RASAL3: variants seen among roughly 807,000 people sequenced by gnomAD.
RASAL3 encodes the protein RAS protein activator like-3.
Under a neutral mutation model 105.5 loss-of-function variants are expected in RASAL3, and 74 were observed. The observed-to-expected ratio is 0.70, with a 90% CI of 0.58 to 0.85. The LOEUF is 0.85. RASAL3 is among the 40% of genes least tolerant of loss of function. RASAL3 has a pLI of 0.00. For synonymous variants in RASAL3, 579 were observed against 591.6 expected, an observed-to-expected ratio of 0.98 and a Z score of 0.31; for missense variants, 1,352 against 1,392.0, an observed-to-expected ratio of 0.97 and a Z score of 0.46.
chr19:15,456,418 C>T lies in RASAL3; in HGVS notation c.1576+84G>A. The stretch of plus-strand genomic sequence containing the variant: ...CAAAACACCACTCACTACCAGAATC[C>T]AGGTTGCTCAAGGACTCTTAGAACT... On this transcript the variant is annotated intron_variant, in intron 10 of 17. Coordinates refer to ENST00000343625, the MANE Select transcript of RASAL3 (RefSeq NM_022904.3). This position sits in a 1 kb window ranked among gnomAD's most constrained non-coding sequence, Gnocchi z 4.4. 1 of 1,565,016 alleles carries T rather than the reference C, an allele frequency of 6.4e-7. No homozygotes were observed. Among genetic ancestry groups the T allele is most frequent in the Non-Finnish European group, 8.7e-7 (1 of 1,150,534 alleles).
intron 1 of RASAL3, 37 bp from the exon 2 acceptor site, chr19:15,464,414 T>G: frequency 1.3e-6 from 2 of 1,524,580 alleles, no homozygotes; most frequent in Non-Finnish European, 1.8e-6. Context: ...GCCCAGTGTC[T>G]GTCCACATAC....
chr19:15,453,075 C>T lies in RASAL3; in HGVS notation c.2670+32G>A, dbSNP rs375316478. On this transcript the variant is annotated intron_variant, in intron 15 of 17. Transcript: ENST00000343625. The surrounding 1 kb of genome is among the most constrained non-coding windows in gnomAD (Gnocchi z 4.2). ...TTCCCCAGTCGCGTCCCTGTTCCCACTCCCCAGGCGCGGACCTGGGCCTGA... is the reference window on the plus strand; with the variant it reads ...TTCCCCAGTCGCGTCCCTGTTCCCATTCCCCAGGCGCGGACCTGGGCCTGA... The T allele has an allele frequency of 4.1e-5, 66 of 1,612,106 alleles. No homozygotes were observed. In the African/African-American group the frequency reaches 6.9e-4, roughly 17 times the overall value.
Position 15,461,062 on chromosome 19 carries a change from G to C in RASAL3, c.604C>G (p.Arg202Gly), listed in dbSNP as rs764236268. Residue 202 changes from arginine (R) to glycine (G), a missense_variant and splice_region_variant, in exon 5 of 18, where the codon CGG becomes GGG. Around this residue, in one of 3 missense-constraint regions of RASAL3, gnomAD observed 344 missense variants for 339.6 expected, o/e 1.01. Transcript: ENST00000343625. Reference protein sequence around the residue: ...TAGPNQVHNVRGLLKRLKEKK... With the variant: ...TAGPNQVHNVGGLLKRLKEKK... ...CCCACCTTCACTGGCTGCCTTACCC[G>C]AACGTTGTGGACCTGGTTGGGACCA... 2 of 1,613,784 alleles carry C rather than the reference G, an allele frequency of 1.2e-6. No individual in the cohort carries two copies. Among genetic ancestry groups the C allele is most frequent in the Non-Finnish European group, 8.5e-7 (1 of 1,179,796 alleles).
rs1970364015 is a variant in RASAL3 at position 15,457,533 on chromosome 19, G to A, written c.1190C>T (p.Ala397Val). Reference protein sequence around the residue: ...LEELDAPRAPAAGLERWFPLL... With the variant: ...LEELDAPRAPVAGLERWFPLL... ...CGGGAACCAGCGCTCCAGACCGGCG[G>A]CAGGCGCGCGTGGGGCGTCCAGCTC... Residue 397 changes from alanine (A) to valine (V), a missense_variant, in exon 9 of 18, where the codon GCC becomes GTC. This residue lies in a region of RASAL3 where 920 missense variants were observed against 919.6 expected (regional missense o/e 1.00). Transcript: ENST00000343625. This position sits in a 1 kb window ranked among gnomAD's most constrained non-coding sequence, Gnocchi z 8.6. The A allele has an allele frequency of 2.7e-6, 3 of 1,129,284 alleles. No homozygotes were observed. Among genetic ancestry groups the A allele is most frequent in the African/African-American group, 3.4e-5 (2 of 59,200 alleles). The allele number at this position is 1,129,284 out of a possible 1,614,324, so 70.0% of individuals were successfully genotyped here. A position where few individuals can be genotyped will look rare whatever the true frequency, so the allele number is the denominator to read the frequency against.
Position 15,456,816 on chromosome 19 carries a change from C to T in RASAL3, c.1432-170G>A. On this transcript the variant is annotated intron_variant, in intron 9 of 17. Transcript: ENST00000343625. This position sits in a 1 kb window ranked among gnomAD's most constrained non-coding sequence, Gnocchi z 4.4. Reference sequence around the variant, plus strand: ...AACCGAGGCCGGAACCTCTAACCCTCACAGCAGAAATTTAAGCCTTTCAGC... The same window carrying T: ...AACCGAGGCCGGAACCTCTAACCCTTACAGCAGAAATTTAAGCCTTTCAGC... 2 of 808,126 alleles carry T rather than the reference C, an allele frequency of 2.5e-6. No homozygotes were observed. 50.1% of individuals were successfully genotyped at this position (808,126 alleles called of 1,614,324 possible).
At chr19:15,452,000 C>T (rs1599729622) in intron 17 of RASAL3, 45 bp downstream of exon 17, 2 of 1,613,810 alleles carry the variant, frequency 1.2e-6, no homozygotes, top group African/African-American at 1.3e-5. Flanking sequence ...AACCCTTGCT[C>T]CTCCACCGCC....
intron 12 of RASAL3, 46 bp downstream of exon 12, chr19:15,454,611 C>G (rs1008881001): frequency 6.2e-7 from 1 of 1,612,498 alleles, no homozygotes; most frequent in Non-Finnish European, 8.5e-7. Flanking sequence ...CTGCCACCCC[C>G]ACACTCCCAG....
In RASAL3 at chr19:15,457,311, C is replaced by G; in HGVS notation, c.1412G>C (p.Arg471Pro). The change falls in exon 9 of 18, where the codon CGG becomes CCG. Residue 471 changes from arginine (R) to proline (P), a missense_variant. Arg to Pro is a moderately radical substitution (Grantham distance 103). Coordinates refer to ENST00000343625, the MANE Select transcript of RASAL3 (RefSeq NM_022904.3). This position sits in a 1 kb window ranked among gnomAD's most constrained non-coding sequence, Gnocchi z 8.6. ...ELAAAMVRVL[R>P]ATGRAQALVT... ...CCGCACCTGCGCCCGGCCGGTGGCCCGCAGCACGCGCACCATGGCTGCCGC... is the reference window on the plus strand; with the variant it reads ...CCGCACCTGCGCCCGGCCGGTGGCCGGCAGCACGCGCACCATGGCTGCCGC... The G allele has an allele frequency of 7.6e-7, 1 of 1,314,160 alleles. No individual in the cohort carries two copies. The highest frequency in any genetic ancestry group is 9.7e-7 in the Non-Finnish European group (1 of 1,033,516). The allele number at this position is 1,314,160 out of a possible 1,614,324, so 81.4% of individuals were successfully genotyped here. A position where few individuals can be genotyped will look rare whatever the true frequency, so the allele number is the denominator to read the frequency against.
chr19:15,463,742 G>A (rs1171978562), intron 2 of RASAL3, among the ~76,000 whole-genome samples: 2 of 152,120 alleles, frequency 1.3e-5, no homozygotes, highest in Non-Finnish European at 2.9e-5. Context: ...CATTGAAGGA[G>A]AGACCCGTTG....
rs1291287387 is a variant in RASAL3, at chr19:15,451,921, C to T, written c.2910G>A (p.Glu970=). ...TCAGCTGAGCCTGAGTTCTCTCCAT[C>T]TCATTTAGGCGGTGCTCCTGGGGAG... The part of the protein sequence containing the change: ...SLKNLEHRLN[E]MERTQAQLRD... Residue 970 remains glutamate (E), a synonymous_variant, in exon 18 of 18, where the codon GAG becomes GAA. Coordinates refer to ENST00000343625, the MANE Select transcript of RASAL3 (RefSeq NM_022904.3). 6.2e-7 allele frequency: 1 copy of T among 1,607,802 alleles called. No individual in the cohort carries two copies. The highest frequency in any genetic ancestry group is 1.7e-5 in the Admixed American group (1 of 59,926).
Position 15,461,461 on chromosome 19 carries a change from C to G in RASAL3, c.465+10G>C. ...TTCCCTCCTCCCCTTTCCCAGGTGC[C>G]CCCTCTCACCTCCTCCTCTCCTCCA... On this transcript the variant is annotated intron_variant, in intron 3 of 17. Transcript: ENST00000343625. 1 of 1,547,352 alleles carries G rather than the reference C, an allele frequency of 6.5e-7. No individual in the cohort carries two copies. The highest frequency in any genetic ancestry group is 8.7e-7 in the Non-Finnish European group (1 of 1,144,752).
In RASAL3 at chr19:15,464,154, G is replaced by C. The variant is rs1043482008; in HGVS notation, c.205C>G (p.Arg69Gly). ...TCCTTGGGAGGCGCAGATAGGACCC[G>C]ACGGAATATCGAGCGAGGGGCTGGC... The part of the protein sequence containing the change: ...TQPAPRSIFR[R>G]VLSAPPKESR... Residue 69 changes from arginine (R) to glycine (G), a missense_variant, in exon 2 of 18, where the codon CGG becomes GGG. This residue lies in a region of RASAL3 where 344 missense variants were observed against 339.6 expected (regional missense o/e 1.01). Coordinates refer to ENST00000343625, the MANE Select transcript of RASAL3 (RefSeq NM_022904.3). The C allele has an allele frequency of 1.2e-6, 2 of 1,613,364 alleles. No homozygotes were observed. The highest frequency in any genetic ancestry group is 2.7e-5 in the African/African-American group (2 of 74,868).
At chr19:15,454,999 C>A in intron 11 of RASAL3, 106 bp from the exon 12 acceptor site, 1 of 826,500 alleles carries the variant, frequency 1.2e-6, no homozygotes. Context: ...GGTCCATGAT[C>A]CTCCAGAGAG....
chr19:15,460,904 G>T (rs1279146372), intron 5 of RASAL3, among the ~76,000 whole-genome samples, 156 bp downstream of exon 5: 1 of 152,062 alleles, frequency 6.6e-6, no homozygotes, highest in African/African-American at 2.4e-5. Context: ...CTAGAGAAAG[G>T]TTATTTCATT....
In RASAL3 at chr19:15,453,164, T is replaced by G. The variant is rs1970212406; in HGVS notation, c.2613A>C (p.Gln871His). The G allele has an allele frequency of 5.0e-6, 8 of 1,613,260 alleles. No homozygotes were observed. The Admixed American group carries it at 1.2e-4, about 24-fold the overall frequency. The change falls in exon 15 of 18, where the codon CAA becomes CAC. Residue 871 changes from glutamine to histidine, a missense_variant. Around this residue, in one of 3 missense-constraint regions of RASAL3, gnomAD observed 920 missense variants for 919.6 expected, o/e 1.00. Transcript: ENST00000343625. The surrounding 1 kb of genome is among the most constrained non-coding windows in gnomAD (Gnocchi z 4.2). ...GGTTTCGGTCTTGCGGCTGGTCCAT[T>G]TGGCGCTGCCAGGGTACCGACGGCT... ...PRKPSVPWQR[Q>H]MDQPQDRNQA... is the part of the protein sequence containing the mutation.
intron 6 of RASAL3, among the ~76,000 whole-genome samples, 198 bp downstream of exon 6, chr19:15,460,005 T>C (rs928779963): frequency 6.6e-6 from 1 of 152,234 alleles, no homozygotes; most frequent in Middle Eastern, 3.4e-3. Context: ...TTAGCTCCCA[T>C]TTTAGAGTTA....
In RASAL3 at chr19:15,454,852, C is replaced by T. The variant is rs759167630; in HGVS notation, c.1763G>A (p.Arg588Gln). ...AELGIVFSSWREACKERGSEV... is the reference protein window; with the variant it reads ...AELGIVFSSWQEACKERGSEV... ...AGAGCCACGTTCTTTACATGCTTCTCGCCAGCTTGAGAACACGATGCCCAG... is the reference window on the plus strand; with the variant it reads ...AGAGCCACGTTCTTTACATGCTTCTTGCCAGCTTGAGAACACGATGCCCAG... The change falls in exon 12 of 18, where the codon CGA (arginine) becomes CAA (glutamine). Residue 588 changes from arginine to glutamine, a missense_variant. Physicochemically the swap from Arg to Gln is conservative, Grantham distance 43. Coordinates refer to ENST00000343625, the MANE Select transcript of RASAL3 (RefSeq NM_022904.3). 8 of 1,576,570 alleles carry T rather than the reference C, an allele frequency of 5.1e-6. No homozygotes were observed. The highest frequency in any genetic ancestry group is 4.7e-5 in the East Asian group (2 of 42,732).
chr19:15,456,761 T>A lies in RASAL3; in HGVS notation c.1432-115A>T, dbSNP rs911665715. The A allele has an allele frequency of 2.2e-5, 27 of 1,253,692 alleles. No individual in the cohort carries two copies. The highest frequency in any genetic ancestry group is 2.9e-5 in the Non-Finnish European group (26 of 904,166). The allele number at this position is 1,253,692 out of a possible 1,614,324, so 77.7% of individuals were successfully genotyped here. On this transcript the variant is annotated intron_variant, in intron 9 of 17. Coordinates refer to ENST00000343625, the MANE Select transcript of RASAL3 (RefSeq NM_022904.3). The surrounding 1 kb of genome is among the most constrained non-coding windows in gnomAD (Gnocchi z 4.4). ...AGGCCCCGCCCCTTGTAGCTGATGC[T>A]TAGGCCCAGTCCTTACTGCTGGGGC...
intron 16 of RASAL3, 83 bp downstream of exon 16, chr19:15,452,575 T>TGGGGGGGG (rs71176411): frequency 1.3e-6 from 1 of 787,020 alleles, no homozygotes; most frequent in Non-Finnish European, 1.7e-6. Context: ...AGGCGTGGTT[T>TGGGGGGGG]GGGGGGGGGG....
Sources: gnomAD v4.1 joint callset for allele counts (sites outside exome capture counted in the v4.1 genomes callset) on GRCh38, gnomAD v4.1.1 for gene constraint, gnomAD v4.1.1 regional missense constraint, Gnocchi (gnomAD v3.1) non-coding constraint, MANE v1.5 for transcripts, NCBI Gene and HGNC (gene_info 2026-07-23, HGNC 2026-07-21) for gene names.